PIEZO2: variants seen among roughly 807,000 people sequenced by gnomAD.
PIEZO2 encodes the protein piezo-type mechanosensitive ion channel component 2.
Under a neutral mutation model 337.3 loss-of-function variants are expected in PIEZO2, and 172 were observed. The ratio of observed to expected loss-of-function variants is 0.51; its 90% confidence interval spans 0.45 to 0.58. The LOEUF (loss-of-function observed/expected upper bound fraction) is 0.58, where lower values mean the gene tolerates loss of function less well. PIEZO2 is among the 20% of genes least tolerant of loss of function. The probability of loss-of-function intolerance (pLI) is 0.00; values close to 1 mark genes in which losing one functional copy is unlikely to be tolerated. For missense variants in PIEZO2, 3,028 were observed against 3,391.3 expected (o/e 0.89, Z 2.66); for synonymous variants, 1,251 against 1,228.5 (o/e 1.02, Z -0.38).
intron 45 of PIEZO2, 89 bp downstream of exon 45, chr18:10,697,659 C>A: frequency 6.7e-7 from 1 of 1,495,664 alleles, no homozygotes; most frequent in South Asian, 1.4e-5. Flanking sequence ...CGAGAAGTTA[C>A]TTCTCTGCTC....
intron 2 of PIEZO2, among the ~76,000 whole-genome samples, chr18:11,037,233 A>G (rs1315545857): frequency 6.6e-6 from 1 of 152,216 alleles, no homozygotes; most frequent in Non-Finnish European, 1.5e-5. Flanking sequence ...AAAGTACAGT[A>G]TGGAATTCGT....
chr18:11,019,025 C>T (rs2036220991), intron 2 of PIEZO2, among the ~76,000 whole-genome samples: 1 of 152,144 alleles, frequency 6.6e-6, no homozygotes, highest in African/African-American at 2.4e-5. Context: ...TTGTGCCCTT[C>T]ATAGTCCACA....
At chr18:10,801,921 C>T (rs564389915) in intron 9 of PIEZO2, among the ~76,000 whole-genome samples, 17 of 151,994 alleles carry the variant, frequency 1.1e-4, no homozygotes, top group African/African-American at 3.6e-4. Flanking sequence ...CCCATCTCTA[C>T]TAAAAATACA....
rs2040809073 is a variant in PIEZO2 at position 11,146,296 on chromosome 18, A to C, written c.64+2229T>G. On this transcript the variant is annotated intron_variant, in intron 1 of 55. Transcript: ENST00000674853. This position sits in a 1 kb window ranked among gnomAD's most constrained non-coding sequence, Gnocchi z 6.1. ...AGCTCCTCCCAGAAAGTCCAGGATC[A>C]AAGTGGACTCAGGCAGCGGGAGCCC... 6.6e-6 allele frequency among the ~76,000 whole-genome samples: 1 copy of C among 152,180 alleles called. No individual in the cohort carries two copies. Among genetic ancestry groups the C allele is most frequent in the Admixed American group, 6.5e-5 (1 of 15,282 alleles).
In PIEZO2 at chr18:10,742,753, G is replaced by C. The variant is rs984027655; in HGVS notation, c.4515-138C>G. 16 of 894,298 alleles carry C rather than the reference G, an allele frequency of 1.8e-5. No homozygotes were observed. In the African/African-American group the frequency reaches 1.9e-4, roughly 10 times the overall value. 55.4% of individuals were successfully genotyped at this position (894,298 alleles called of 1,614,324 possible). On this transcript the variant is annotated intron_variant, in intron 31 of 55. Transcript: ENST00000674853. ...TTGGAATACTTGTGAATTGTAAAATGGTTGCTCATTAGCAACAAGGATCTC... is the reference window on the plus strand; with the variant it reads ...TTGGAATACTTGTGAATTGTAAAATCGTTGCTCATTAGCAACAAGGATCTC...
At chr18:11,049,556 G>A (rs2037444542) in intron 2 of PIEZO2, among the ~76,000 whole-genome samples, 1 of 152,168 alleles carries the variant, frequency 6.6e-6, no homozygotes, top group African/African-American at 2.4e-5. Flanking sequence ...TGGTTTGGCT[G>A]CATCCCCACC....
chr18:10,798,497 C>T (rs937360962), intron 11 of PIEZO2, among the ~76,000 whole-genome samples: 1 of 152,180 alleles, frequency 6.6e-6, no homozygotes, highest in Non-Finnish European at 1.5e-5. Flanking sequence ...CAAAAAGTCC[C>T]TGGGATCATA....
At chr18:10,916,767 C>T (rs1164545825) in intron 3 of PIEZO2, among the ~76,000 whole-genome samples, 1 of 152,134 alleles carries the variant, frequency 6.6e-6, no homozygotes, top group Admixed American at 6.5e-5. Context: ...TCAAGCATTG[C>T]CAGAGCGGGC....
chr18:10,991,155 T>TACACACAC lies in PIEZO2; in HGVS notation c.161-11503_161-11496dup, dbSNP rs374157292. 8.5e-3 allele frequency among the ~76,000 whole-genome samples: 1,195 copies of TACACACAC among 140,620 alleles called. 13 individuals are homozygous for TACACACAC. Among genetic ancestry groups the TACACACAC allele is most frequent in the African/African-American group, 0.029 (1,119 of 38,616 alleles). 92.3% of individuals were successfully genotyped at this position (140,620 alleles called of 152,430 possible). ...TTCTTTTTGTTTTTGGAAGGTTTTA[T>TACACACAC]ACACACACACACACACACACACACA... On this transcript the variant is annotated intron_variant, in intron 2 of 55. Transcript: ENST00000674853.
At chr18:11,144,348 G>A (rs564113175) in intron 1 of PIEZO2, among the ~76,000 whole-genome samples, 23 of 152,240 alleles carry the variant, frequency 1.5e-4, no homozygotes, top group African/African-American at 5.1e-4. Flanking sequence ...GGCTGAGAAA[G>A]TGTGACAGAA....
chr18:10,804,891 T>A (rs1343384581), intron 8 of PIEZO2, among the ~76,000 whole-genome samples: 1 of 152,186 alleles, frequency 6.6e-6, no homozygotes, highest in Admixed American at 6.5e-5. Flanking sequence ...CCCAGCCCAT[T>A]TGAAATAGAG....
At chr18:10,939,585 C>T (rs773055127) in intron 3 of PIEZO2, among the ~76,000 whole-genome samples, 2 of 152,048 alleles carry the variant, frequency 1.3e-5, no homozygotes, top group Non-Finnish European at 2.9e-5. Flanking sequence ...TACTATGCAG[C>T]CATAAAAAAG....
rs1431623116 is a variant in PIEZO2, at chr18:10,980,475, G to T, written c.161-815C>A. Reference sequence around the variant, plus strand: ...TATCAGAGAATGATCAAGGCCACTTGATATGAATGCCACTAATTAACATAT... The same window carrying T: ...TATCAGAGAATGATCAAGGCCACTTTATATGAATGCCACTAATTAACATAT... On this transcript the variant is annotated intron_variant, in intron 2 of 55. Transcript: ENST00000674853. The surrounding 1 kb of genome is among the most constrained non-coding windows in gnomAD (Gnocchi z 4.8). 2.0e-5 allele frequency among the ~76,000 whole-genome samples: 3 copies of T among 152,138 alleles called. No individual in the cohort carries two copies. In the East Asian group the frequency reaches 5.8e-4, roughly 29 times the overall value.
intron 9 of PIEZO2, among the ~76,000 whole-genome samples, chr18:10,803,300 C>G (rs2039888566): frequency 6.6e-6 from 1 of 152,170 alleles, no homozygotes; most frequent in African/African-American, 2.4e-5. Context: ...TCAATATCAC[C>G]TCATCTCATC....
chr18:10,977,111 G>T (rs923202434), intron 3 of PIEZO2, among the ~76,000 whole-genome samples: 2 of 151,324 alleles, frequency 1.3e-5, no homozygotes, highest in Admixed American at 1.3e-4. Context: ...GCAGAGAAAA[G>T]AATGTTGCTT....
intron 7 of PIEZO2, among the ~76,000 whole-genome samples, chr18:10,818,717 A>C (rs2040435723): frequency 6.6e-6 from 1 of 152,192 alleles, no homozygotes; most frequent in Non-Finnish European, 1.5e-5. Flanking sequence ...TCATTTACAT[A>C]CAGTATTGTA....
At chr18:10,919,283 C>G (rs916845545) in intron 3 of PIEZO2, among the ~76,000 whole-genome samples, 6 of 151,972 alleles carry the variant, frequency 3.9e-5, no homozygotes, top group African/African-American at 1.4e-4. Context: ...AATTCATTTG[C>G]CCTTTAGGTT....
rs1199349776 is a variant in PIEZO2 at position 11,143,100 on chromosome 18, GA to G, written c.64+5424del. Among the ~76,000 whole-genome samples the G allele has an allele frequency of 6.6e-6, 1 of 152,096 alleles. No individual in the cohort carries two copies. The highest frequency in any genetic ancestry group is 2.4e-5 in the African/African-American group (1 of 41,430). On this transcript the variant is annotated intron_variant, in intron 1 of 55. Transcript: ENST00000674853. This position sits in a 1 kb window ranked among gnomAD's most constrained non-coding sequence, Gnocchi z 4.9. ...TCTCAAAAAAAAGAAAAAAGAAAAA[GA>G]AAAAGTTTTCCAATATTTTTGTTTT...
intron 1 of PIEZO2, among the ~76,000 whole-genome samples, chr18:11,100,794 A>G (rs918246383): frequency 6.6e-6 from 1 of 152,066 alleles, no homozygotes; most frequent in Non-Finnish European, 1.5e-5. Flanking sequence ...ACAGGGTTTC[A>G]CCGTGTTAGC....
Sources: gnomAD v4.1 joint callset for allele counts (sites outside exome capture counted in the v4.1 genomes callset) on GRCh38, gnomAD v4.1.1 for gene constraint, Gnocchi (gnomAD v3.1) non-coding constraint, MANE v1.5 for transcripts, NCBI Gene and HGNC (gene_info 2026-07-23, HGNC 2026-07-21) for gene names.